The following ANKRD17 variants were observed in gnomAD, a reference collection of about 807,000 sequenced individuals.
The protein encoded by ANKRD17 is ankyrin repeat domain 17.
Under a neutral mutation model 229.7 loss-of-function variants are expected in ANKRD17, and 19 were observed. The observed-to-expected ratio is 0.08, with a 90% CI of 0.06 to 0.12. The LOEUF is 0.12. Among genes scored for constraint, ANKRD17 ranks in the 10% least tolerant of loss-of-function variants. The probability of loss-of-function intolerance (pLI) is 1.00; values close to 1 mark genes in which losing one functional copy is unlikely to be tolerated. For missense variants in ANKRD17, 2,176 were observed against 3,176.8 expected (o/e 0.68, Z 7.57); for synonymous variants, 1,112 against 1,146.1 (o/e 0.97, Z 0.60).
intron 1 of ANKRD17, among the ~76,000 whole-genome samples, chr4:73,232,554 A>G (rs1743145148): frequency 6.6e-6 from 1 of 152,220 alleles, no homozygotes; most frequent in African/African-American, 2.4e-5. Context: ...TCTTACATTA[A>G]AAGAGTCACA....
intron 33 of ANKRD17, 137 bp from the exon 34 acceptor site, chr4:73,076,427 T>A (rs1240328674): frequency 1.1e-5 from 6 of 545,058 alleles, no homozygotes; most frequent in Non-Finnish European, 1.7e-5. Context: ...GATAAAAACC[T>A]TTTTTCTATT....
intron 6 of ANKRD17, 128 bp from the exon 7 acceptor site, chr4:73,151,652 T>C (rs1429325132): frequency 3.3e-6 from 2 of 614,600 alleles, no homozygotes; most frequent in East Asian, 3.3e-5. Flanking sequence ...TAAAGTCAAC[T>C]AGAAGCCACC....
intron 1 of ANKRD17, among the ~76,000 whole-genome samples, chr4:73,248,367 A>T (rs1744689188): frequency 6.6e-6 from 1 of 152,012 alleles, no homozygotes; most frequent in Middle Eastern, 3.2e-3. Context: ...TTACACCAAA[A>T]ATGAACATAG....
At chr4:73,122,084 A>G (rs189925261) in intron 18 of ANKRD17, among the ~76,000 whole-genome samples, 2 of 152,310 alleles carry the variant, frequency 1.3e-5, no homozygotes, top group Admixed American at 1.3e-4. Flanking sequence ...GTAATATGGG[A>G]CAAGATTTTT....
intron 16 of ANKRD17, among the ~76,000 whole-genome samples, chr4:73,131,142 T>A (rs185443247): frequency 1.4e-4 from 22 of 152,346 alleles, no homozygotes; most frequent in Middle Eastern, 3.4e-3. Context: ...GTATGTGGTA[T>A]TCATCTTAAA....
chr4:73,078,536 CAAAAAAAGAAAA>C, intron 31 of ANKRD17, 94 bp downstream of exon 31: 2 of 1,374,132 alleles, frequency 1.5e-6, no homozygotes, highest in Non-Finnish European at 1.9e-6. Flanking sequence ...AACTCCATCT[CAAAAAAAGAAAA>C]AAAAAAAGGA....
intron 30 of ANKRD17, among the ~76,000 whole-genome samples, chr4:73,079,365 CTTTG>C (rs1179550645): frequency 1.3e-5 from 2 of 152,186 alleles, no homozygotes; most frequent in East Asian, 3.9e-4. Flanking sequence ...AAATACGTTT[CTTTG>C]TTATTTATTC....
intron 1 of ANKRD17, among the ~76,000 whole-genome samples, chr4:73,239,996 T>C (rs1743868147): frequency 6.6e-6 from 1 of 152,194 alleles, no homozygotes; most frequent in Non-Finnish European, 1.5e-5. Context: ...AGCAACTATG[T>C]AAGTTTTAAA....
chr4:73,152,583 C>T (rs561411870), intron 6 of ANKRD17, among the ~76,000 whole-genome samples: 2 of 152,206 alleles, frequency 1.3e-5, no homozygotes, highest in African/African-American at 4.8e-5. Flanking sequence ...CCTGCAAGCC[C>T]CAACCTCAGA....
rs111638810 is a variant in ANKRD17, at chr4:73,144,852, AAG to A, written c.1870-22_1870-21del. On this transcript the variant is annotated intron_variant, in intron 10 of 33. Coordinates refer to ENST00000358602, the MANE Select transcript of ANKRD17 (RefSeq NM_032217.5). ...ATGTTCCTGTTTAAAAAAAAAAAAA[AAG>A]ACTTGACATTTAATTGCCAGTGAAC... The A allele has an allele frequency of 6.6e-7, 1 of 1,521,016 alleles. No homozygotes were observed. The highest frequency in any genetic ancestry group is 8.9e-7 in the Non-Finnish European group (1 of 1,123,594). The allele number at this position is 1,521,016 out of a possible 1,614,324, so 94.2% of individuals were successfully genotyped here.
At chr4:73,122,260 AC>A (rs1560550437) in intron 18 of ANKRD17, among the ~76,000 whole-genome samples, 1 of 152,156 alleles carries the variant, frequency 6.6e-6, no homozygotes, top group African/African-American at 2.4e-5. Context: ...TTTAGGTCCC[AC>A]CTACTGGCAG....
chr4:73,155,940 GATTT>G, intron 4 of ANKRD17, 75 bp downstream of exon 4: 1 of 1,509,044 alleles, frequency 6.6e-7, no homozygotes, highest in African/African-American at 1.4e-5. Flanking sequence ...TGGTTGGAAG[GATTT>G]ATTTTATTAT....
intron 3 of ANKRD17, among the ~76,000 whole-genome samples, chr4:73,158,147 G>A (rs376452160): frequency 0.034 from 493 of 14,658 alleles, 4 homozygotes; most frequent in African/African-American, 0.059. Flanking sequence ...AGAAAGAAAG[G>A]AAGAAAAAGA....
intron 1 of ANKRD17, among the ~76,000 whole-genome samples, chr4:73,203,211 T>C (rs1738912611): frequency 6.6e-6 from 1 of 152,198 alleles, no homozygotes; most frequent in South Asian, 2.1e-4. Flanking sequence ...TCCCCAACAC[T>C]TCTTTTCCCA....
intron 16 of ANKRD17, among the ~76,000 whole-genome samples, chr4:73,130,840 A>G (rs1381579335): frequency 6.6e-6 from 1 of 152,194 alleles, no homozygotes; most frequent in Non-Finnish European, 1.5e-5. Flanking sequence ...AATACAAAAA[A>G]TATTTAATTA....
chr4:73,192,699 T>C (rs1297019721), intron 1 of ANKRD17, among the ~76,000 whole-genome samples: 1 of 152,158 alleles, frequency 6.6e-6, no homozygotes, highest in Non-Finnish European at 1.5e-5. Flanking sequence ...AGAGCTATCA[T>C]AACAATTTGT....
chr4:73,153,787 T>C, intron 6 of ANKRD17, 93 bp downstream of exon 6: 1 of 898,678 alleles, frequency 1.1e-6, no homozygotes, highest in Non-Finnish European at 1.6e-6. Flanking sequence ...ATACTATCAT[T>C]GTTTTATTTT....
Position 73,074,552 on chromosome 4 carries a change from G to T in ANKRD17, c.*1679C>A, listed in dbSNP as rs1246074904. On this transcript the variant is annotated 3_prime_UTR_variant, in exon 34 of 34. Coordinates refer to ENST00000358602, the MANE Select transcript of ANKRD17 (RefSeq NM_032217.5). ...TTTAAGACCACTTCTTAAACTAAAA[G>T]ATATGAGTGTACTGTTTACAAATTT... is the stretch of plus-strand genomic sequence containing the variant. The T allele has an allele frequency of 1.3e-5, 2 of 151,802 alleles. No individual in the cohort carries two copies. Among genetic ancestry groups the T allele is most frequent in the Admixed American group, 6.6e-5 (1 of 15,242 alleles). 9.4% of individuals were successfully genotyped at this position (151,802 alleles called of 1,614,324 possible). A position where few individuals can be genotyped will look rare whatever the true frequency, so the allele number is the denominator to read the frequency against.
intron 2 of ANKRD17, among the ~76,000 whole-genome samples, chr4:73,171,544 A>G (rs1340445797): frequency 6.6e-6 from 1 of 152,230 alleles, no homozygotes; most frequent in African/African-American, 2.4e-5. Context: ...ACCATCAGAA[A>G]ACATGACCTC....
Sources: allele counts gnomAD v4.1 joint callset (sites outside exome capture counted in the v4.1 genomes callset), GRCh38; gene constraint gnomAD v4.1.1; transcripts MANE v1.5; gene names NCBI Gene and HGNC (gene_info 2026-07-23, HGNC 2026-07-21).